The following LIPE variants were observed in gnomAD, a reference collection of about 807,000 sequenced individuals.
LIPE encodes lipase E, hormone sensitive type.
In LIPE, 66 loss-of-function variants were observed where a neutral mutation model predicts 88.5. The observed-to-expected ratio is 0.75, with a 90% CI of 0.61 to 0.91. The LOEUF is 0.91. Among genes scored for constraint, LIPE ranks in the 40% least tolerant of loss-of-function variants. The pLI is 0.00. For synonymous variants in LIPE, 570 were observed against 617.5 expected, an observed-to-expected ratio of 0.92 and a Z score of 1.14; for missense variants, 1,346 against 1,434.7, an observed-to-expected ratio of 0.94 and a Z score of 1.00.
chr19:42,424,424 G>C (rs1005063999), intron 1 of LIPE: 2 of 456,182 alleles, frequency 4.4e-6, no homozygotes, highest in African/African-American at 4.0e-5. Context: ...AGGCAACCTC[G>C]CCCGCCGCGG....
chr19:42,414,258 G>A lies in LIPE; in HGVS notation c.884-3416C>T, dbSNP rs574826956. Among the ~76,000 whole-genome samples the A allele has an allele frequency of 2.0e-5, 3 of 150,248 alleles. No individual in the cohort carries two copies. Among genetic ancestry groups the A allele is most frequent in the Non-Finnish European group, 4.4e-5 (3 of 68,008 alleles). Reference sequence around the variant, plus strand: ...CACTGTACTCCAGCCTGGCGATAAAGCGAGACTCTGTCAGAAAAGAAAGGA... The same window carrying A: ...CACTGTACTCCAGCCTGGCGATAAAACGAGACTCTGTCAGAAAAGAAAGGA... On this transcript the variant is annotated intron_variant, in intron 1 of 9. Transcript: ENST00000244289. The surrounding 1 kb of genome is among the most constrained non-coding windows in gnomAD (Gnocchi z 4.6).
At position 42,410,652 on chromosome 19, in the gene LIPE, C is replaced by T. The variant is rs894360777; in HGVS notation, c.1074G>A (p.Val358=). The part of the protein sequence containing the change: ...LEPALGRLLG[V]AHLFDLDPET... ...CTGGGTCCAGGTCAAAGAGGTGCGCCACACCCAGCAGGCGGCCCAGGGCCG... is the reference window on the plus strand; with the variant it reads ...CTGGGTCCAGGTCAAAGAGGTGCGCTACACCCAGCAGGCGGCCCAGGGCCG... The change falls in exon 2 of 10, where the codon GTG becomes GTA. Residue 358 remains valine (V), a synonymous_variant. Transcript: ENST00000244289. The surrounding 1 kb of genome is among the most constrained non-coding windows in gnomAD (Gnocchi z 6.1). The T allele has an allele frequency of 1.2e-6, 2 of 1,612,762 alleles. No individual in the cohort carries two copies. Among genetic ancestry groups the T allele is most frequent in the Non-Finnish European group, 1.7e-6 (2 of 1,179,178 alleles).
rs753065379 is a variant in LIPE, at chr19:42,426,374, T to G, written c.776A>C (p.Lys259Thr). Reference protein sequence around the residue: ...TMGGMVAQGVKLGFKGKSGYK... With the variant: ...TMGGMVAQGVTLGFKGKSGYK... ...ACCAGATTTTCCTTTGAAGCCTAGC[T>G]TCACTCCCTGGGCCACCATTCCACC... Residue 259 changes from lysine (K) to threonine (T), a missense_variant, in exon 1 of 10, where the codon AAG becomes ACG. Coordinates refer to ENST00000244289, the MANE Select transcript of LIPE (RefSeq NM_005357.4). 14 of 1,614,070 alleles carry G rather than the reference T, an allele frequency of 8.7e-6. No individual in the cohort carries two copies. The South Asian group carries it at 1.1e-4, about 13-fold the overall frequency.
intron 1 of LIPE, among the ~76,000 whole-genome samples, chr19:42,411,532 C>G (rs1038366266): frequency 6.6e-6 from 1 of 152,214 alleles, no homozygotes; most frequent in Non-Finnish European, 1.5e-5. Context: ...CCCTCCCATT[C>G]CCATCTCTCG....
Position 42,401,712 on chromosome 19 carries a change from T to TC in LIPE, c.*99_*100insG. On this transcript the variant is annotated 3_prime_UTR_variant, in exon 10 of 10. Transcript: ENST00000244289. ...GCTTTCGGGCCCCCGCCCCGCCCCCTTGCCACCCCCGACTTAAGTAAGGCA... is the reference window on the plus strand; with the variant it reads ...GCTTTCGGGCCCCCGCCCCGCCCCCTCTGCCACCCCCGACTTAAGTAAGGCA... The TC allele has an allele frequency of 2.9e-5, 1 of 34,576 alleles. No individual in the cohort carries two copies. Among genetic ancestry groups the TC allele is most frequent in the South Asian group, 2.9e-4 (1 of 3,498 alleles). 2.1% of individuals were successfully genotyped at this position (34,576 alleles called of 1,614,324 possible).
chr19:42,418,149 A>G (rs1040910258), intron 1 of LIPE, among the ~76,000 whole-genome samples: 2 of 152,056 alleles, frequency 1.3e-5, no homozygotes, highest in Non-Finnish European at 2.9e-5. Flanking sequence ...CGCCTGGTTA[A>G]TTTTAGTATT....
At chr19:42,413,941 G>C (rs566967583) in intron 1 of LIPE, among the ~76,000 whole-genome samples, 13 of 152,332 alleles carry the variant, frequency 8.5e-5, no homozygotes, top group Non-Finnish European at 1.8e-4. Context: ...CAGATGGATA[G>C]ACAGAGGCCT....
intron 1 of LIPE, among the ~76,000 whole-genome samples, chr19:42,422,453 G>C (rs2040616606): frequency 6.6e-6 from 1 of 152,218 alleles, no homozygotes; most frequent in South Asian, 2.1e-4. Context: ...TTGGGCTCCA[G>C]TCCGTCTGCC....
At chr19:42,402,222 G>A (rs1176591883) in intron 9 of LIPE, 147 bp from the exon 10 acceptor site, 30 of 733,276 alleles carry the variant, frequency 4.1e-5, no homozygotes, top group South Asian at 2.2e-5. Flanking sequence ...TGGTGGGTGA[G>A]GAGTTGGGGA....
chr19:42,405,414 T>A lies in LIPE; in HGVS notation c.2513A>T (p.Lys838Met). Residue 838 changes from lysine (K) to methionine (M), a missense_variant, in exon 8 of 10, where the codon AAG (lysine) becomes ATG (methionine). Coordinates refer to ENST00000244289, the MANE Select transcript of LIPE (RefSeq NM_005357.4). ...LNSFLELSGR[K>M]SQKMSEPIAE... is the part of the protein sequence containing the mutation. ...TATGGGCTCCGACATCTTCTGGGAC[T>A]TGCGCCCACTTAACTCCAGGAAGGA... 6.2e-7 allele frequency: 1 copy of A among 1,613,726 alleles called. No individual in the cohort carries two copies. Among genetic ancestry groups the A allele is most frequent in the Non-Finnish European group, 8.5e-7 (1 of 1,179,988 alleles).
chr19:42,402,950 G>C lies in LIPE; in HGVS notation c.2624C>G (p.Thr875Ser). 1 of 1,609,230 alleles carries C rather than the reference G, an allele frequency of 6.2e-7. No homozygotes were observed. The highest frequency in any genetic ancestry group is 8.5e-7 in the Non-Finnish European group (1 of 1,179,804). ...PLGTDSLKNL[T>S]LRDLSLRGNS... ...TCCCCTCAGGCTCAAGTCCCTCAGG[G>C]TCAGGTTCTTGAGGGAATCCGTGCC... The change falls in exon 9 of 10, where the codon ACC (threonine) becomes AGC (serine). Residue 875 changes from threonine to serine, a missense_variant. Transcript: ENST00000244289.
At position 42,410,951 on chromosome 19, in the gene LIPE, C is replaced by T. The variant is rs2040358636; in HGVS notation, c.884-109G>A. ...CCCACTCCTCCTTCAAACCTCAGTG[C>T]TGTCTTCTTTCAGTTCCAGGGGCCC... On this transcript the variant is annotated intron_variant, in intron 1 of 9. Transcript: ENST00000244289. This position sits in a 1 kb window ranked among gnomAD's most constrained non-coding sequence, Gnocchi z 6.1. The T allele has an allele frequency of 9.1e-7, 1 of 1,104,538 alleles. No individual in the cohort carries two copies. The highest frequency in any genetic ancestry group is 1.6e-5 in the African/African-American group (1 of 64,120). 68.4% of individuals were successfully genotyped at this position (1,104,538 alleles called of 1,614,324 possible). A position where few individuals can be genotyped will look rare whatever the true frequency, so the allele number is the denominator to read the frequency against.
At position 42,408,400 on chromosome 19, in the gene LIPE, G is replaced by GTCTTCCC; in HGVS notation, c.1420-79_1420-78insGGGAAGA. 8.7e-7 allele frequency: 1 copy of GTCTTCCC among 1,154,718 alleles called. No individual in the cohort carries two copies. Among genetic ancestry groups the GTCTTCCC allele is most frequent in the Non-Finnish European group, 1.3e-6 (1 of 766,862 alleles). The allele number at this position is 1,154,718 out of a possible 1,614,324, so 71.5% of individuals were successfully genotyped here. A position where few individuals can be genotyped will look rare whatever the true frequency, so the allele number is the denominator to read the frequency against. On this transcript the variant is annotated intron_variant, in intron 2 of 9. Coordinates refer to ENST00000244289, the MANE Select transcript of LIPE (RefSeq NM_005357.4). This position sits in a 1 kb window ranked among gnomAD's most constrained non-coding sequence, Gnocchi z 4.3. Reference sequence around the variant, plus strand: ...GGGCAGGAGCGAGGCACAGGGATGTGCGGGGAAGACACATTCATTCAGTAA... The same window carrying GTCTTCCC: ...GGGCAGGAGCGAGGCACAGGGATGTGTCTTCCCCGGGGAAGACACATTCATTCAGTAA...
Position 42,426,948 on chromosome 19 carries a change from C to T in LIPE, c.202G>A (p.Asp68Asn). Residue 68 changes from aspartate (D) to asparagine (N), a missense_variant, in exon 1 of 10, where the codon GAT becomes AAT. Asp to Asn is a conservative substitution (Grantham distance 23). Transcript: ENST00000244289. Reference sequence around the variant, plus strand: ...CTAGGTTCCTTCTGGGATTCAGCATCATGTTGTGCAGGGGTCTCCTGCTGG... The same window carrying T: ...CTAGGTTCCTTCTGGGATTCAGCATTATGTTGTGCAGGGGTCTCCTGCTGG... ...LTQQETPAQH[D>N]AESQKEPRAQ... 4 of 1,614,076 alleles carry T rather than the reference C, an allele frequency of 2.5e-6. No individual in the cohort carries two copies. The highest frequency in any genetic ancestry group is 3.4e-6 in the Non-Finnish European group (4 of 1,180,024).
chr19:42,423,708 G>T, intron 1 of LIPE: 1 of 1,131,476 alleles, frequency 8.8e-7, no homozygotes, highest in Non-Finnish European at 1.1e-6. Context: ...GCCGTGCTCC[G>T]CCCCCAACCG....
chr19:42,423,987 G>GC (rs1466497757), intron 1 of LIPE: 1 of 1,167,288 alleles, frequency 8.6e-7, no homozygotes, highest in Non-Finnish European at 1.1e-6. Context: ...AAAGTGGGGC[G>GC]CCTCTGAGCC....
In LIPE at chr19:42,417,843, C is replaced by A. The variant is rs147200763; in HGVS notation, c.884-7001G>T. On this transcript the variant is annotated intron_variant, in intron 1 of 9. Transcript: ENST00000244289. ...GATCAACCTGGGTAACATAGTGAGA[C>A]CCTCCCCCTCTACAAAAAATAAATA... Among the ~76,000 whole-genome samples, 74 of 151,996 alleles carry A rather than the reference C, an allele frequency of 4.9e-4. No homozygotes were observed. The East Asian group carries it at 0.014, about 28-fold the overall frequency.
chr19:42,425,399 C>A (rs1298819528), intron 1 of LIPE, among the ~76,000 whole-genome samples: 2 of 152,122 alleles, frequency 1.3e-5, no homozygotes, highest in African/African-American at 4.8e-5. Flanking sequence ...AGGGAGGCAG[C>A]CTGGTCCAGG....
At chr19:42,424,194 C>T (rs1288627100) in intron 1 of LIPE, 8 of 997,390 alleles carry the variant, frequency 8.0e-6, no homozygotes, top group Non-Finnish European at 9.5e-6. Flanking sequence ...TCCATGCTCC[C>T]GATAATGAGG....
Sources: allele counts gnomAD v4.1 joint callset (sites outside exome capture counted in the v4.1 genomes callset), GRCh38; gene constraint gnomAD v4.1.1; non-coding constraint Gnocchi (gnomAD v3.1); transcripts MANE v1.5; gene names NCBI Gene and HGNC (gene_info 2026-07-23, HGNC 2026-07-21).